The following WWP1 variants were observed in gnomAD, a reference collection of about 807,000 sequenced individuals.
The protein encoded by WWP1 is WW domain containing E3 ubiquitin protein ligase 1.
A neutral mutation model predicts 130.6 loss-of-function variants in WWP1; 49 were observed. The ratio of observed to expected loss-of-function variants is 0.38; its 90% CI spans 0.30 to 0.48. The LOEUF (loss-of-function observed/expected upper bound fraction) is 0.48. Among genes scored for constraint, WWP1 ranks in the 20% least tolerant of loss-of-function variants. WWP1 has a pLI of 0.99. For synonymous variants in WWP1, 332 were observed against 367.8 expected (o/e 0.90, Z 1.11); for missense variants, 809 against 1,100.6 (o/e 0.74, Z 3.75).
chr8:86,381,381 CAAAT>C (rs1824976524), intron 4 of WWP1, 120 bp from the exon 5 acceptor site: 1 of 1,209,610 alleles, frequency 8.3e-7, no homozygotes, highest in South Asian at 1.5e-5. Flanking sequence ...TATTTCTTCT[CAAAT>C]AAATGAAATT....
chr8:86,373,629 C>G (rs1824457950), intron 2 of WWP1, among the ~76,000 whole-genome samples: 2 of 152,120 alleles, frequency 1.3e-5, no homozygotes, highest in South Asian at 2.1e-4. Context: ...CTTGGTTGCT[C>G]TTCGTCTTAG....
chr8:86,450,659 A>G (rs1811126317), intron 20 of WWP1, among the ~76,000 whole-genome samples: 1 of 152,194 alleles, frequency 6.6e-6, no homozygotes, highest in South Asian at 2.1e-4. Context: ...TTTTTGGAGG[A>G]TTTTGTTTCA....
chr8:86,428,497 T>C (rs189090683), intron 11 of WWP1, among the ~76,000 whole-genome samples: 476 of 152,210 alleles, frequency 3.1e-3, no homozygotes, highest in Admixed American at 5.2e-3. Context: ...ACCTAAAATA[T>C]AGAAGCTAGC....
intron 18 of WWP1, among the ~76,000 whole-genome samples, chr8:86,443,143 G>A (rs981445929): frequency 6.6e-6 from 1 of 152,152 alleles, no homozygotes; most frequent in Non-Finnish European, 1.5e-5. Context: ...TGTGATCTCA[G>A]CTAACTGCAA....
chr8:86,360,241 G>A (rs1474151969), intron 1 of WWP1, among the ~76,000 whole-genome samples: 5 of 152,072 alleles, frequency 3.3e-5, no homozygotes, highest in African/African-American at 1.2e-4. Flanking sequence ...TAAGTTTCTG[G>A]TGGTTTTTTT....
chr8:86,415,923 C>T (rs544117505), intron 9 of WWP1, among the ~76,000 whole-genome samples: 5 of 152,304 alleles, frequency 3.3e-5, no homozygotes, highest in Non-Finnish European at 7.4e-5. Context: ...TACCGTATAG[C>T]AGGCACTCAA....
chr8:86,423,379 C>T (rs1442116823), intron 9 of WWP1, among the ~76,000 whole-genome samples: 1 of 152,090 alleles, frequency 6.6e-6, no homozygotes, highest in Non-Finnish European at 1.5e-5. Context: ...CGGCCTTCCA[C>T]AGTGTTTGTG....
intron 3 of WWP1, among the ~76,000 whole-genome samples, chr8:86,377,608 C>T (rs16912199): frequency 1.3e-5 from 2 of 151,782 alleles, no homozygotes; most frequent in South Asian, 2.1e-4. Flanking sequence ...TCATGGAACG[C>T]GGAAAAACTG....
chr8:86,347,411 A>G (rs998548971), intron 1 of WWP1, among the ~76,000 whole-genome samples: 1 of 152,296 alleles, frequency 6.6e-6, no homozygotes, highest in East Asian at 1.9e-4. Flanking sequence ...TTTTGTTCCT[A>G]TGTCAGTATT....
At chr8:86,421,102 C>T (rs1184571378) in intron 9 of WWP1, among the ~76,000 whole-genome samples, 3 of 152,168 alleles carry the variant, frequency 2.0e-5, no homozygotes, top group Non-Finnish European at 2.9e-5. Context: ...CCTTCTTTCC[C>T]GTGAGCTTTT....
intron 16 of WWP1, among the ~76,000 whole-genome samples, chr8:86,436,720 G>A (rs763930796): frequency 3.9e-5 from 6 of 152,130 alleles, no homozygotes; most frequent in Non-Finnish European, 7.4e-5. Context: ...TGTATTGTCA[G>A]TTTTTGCCCA....
At chr8:86,409,929 C>CTAGA (rs1808495715) in intron 8 of WWP1, among the ~76,000 whole-genome samples, 1 of 152,082 alleles carries the variant, frequency 6.6e-6, no homozygotes, top group African/African-American at 2.4e-5. Flanking sequence ...GATAGATAAT[C>CTAGA]TAGATTACTT....
chr8:86,372,707 C>T (rs1824395853), intron 2 of WWP1, among the ~76,000 whole-genome samples: 2 of 152,042 alleles, frequency 1.3e-5, no homozygotes, highest in Non-Finnish European at 2.9e-5. Flanking sequence ...ATTGCTACAT[C>T]TTTTATGTGG....
chr8:86,381,571 T>C lies in WWP1; in HGVS notation c.276T>C (p.Ala92=), dbSNP rs762441712. The C allele has an allele frequency of 2.5e-6, 4 of 1,610,754 alleles. No homozygotes were observed. The African/African-American group carries it at 5.3e-5, about 22-fold the overall frequency. Residue 92 remains alanine, a synonymous_variant, in exon 5 of 25, where the codon GCT becomes GCC. Transcript: ENST00000517970. ...VWSHRTLKAD[A]LLGKATIDLK... is the part of the protein sequence containing the mutation. ...GCCATCGCACTTTAAAAGCAGATGC[T>C]TTATTAGGAAAAGCAACGATAGATT... is the stretch of plus-strand genomic sequence containing the variant.
chr8:86,379,037 T>G (rs1824830124), intron 3 of WWP1, among the ~76,000 whole-genome samples: 1 of 152,238 alleles, frequency 6.6e-6, no homozygotes, highest in Non-Finnish European at 1.5e-5. Flanking sequence ...AACCCAGATA[T>G]GTCTATCCCT....
chr8:86,399,105 C>G (rs1040405674), intron 7 of WWP1, among the ~76,000 whole-genome samples: 4 of 152,126 alleles, frequency 2.6e-5, no homozygotes, highest in African/African-American at 9.7e-5. Context: ...TTTCAAGGTT[C>G]ATTTATGTTG....
chr8:86,393,016 TTTA>T (rs1323177570), intron 5 of WWP1, among the ~76,000 whole-genome samples: 3 of 152,326 alleles, frequency 2.0e-5, no homozygotes, highest in Admixed American at 1.3e-4. Context: ...AATGAGAAGT[TTTA>T]TTATCAAAGC....
rs373524632 is a variant in WWP1, at chr8:86,467,268, T to G, written c.*375T>G. The G allele has an allele frequency of 6.2e-6, 1 of 160,754 alleles. No homozygotes were observed. Among genetic ancestry groups the G allele is most frequent in the Non-Finnish European group, 1.4e-5 (1 of 74,002 alleles). 10.0% of individuals were successfully genotyped at this position (160,754 alleles called of 1,614,324 possible). The stretch of plus-strand genomic sequence containing the variant: ...GATTTGCTTTACCTTGTTAATATTA[T>G]CTAGGGGAAAAAGTGCAAATTGCTC... On this transcript the variant is annotated 3_prime_UTR_variant, in exon 25 of 25. Coordinates refer to ENST00000517970, the MANE Select transcript of WWP1 (RefSeq NM_007013.4).
chr8:86,438,047 G>A (rs991491635), intron 16 of WWP1, among the ~76,000 whole-genome samples: 1 of 152,154 alleles, frequency 6.6e-6, no homozygotes, highest in Non-Finnish European at 1.5e-5. Context: ...TGATCCACCT[G>A]CCTTGGCCTT....
Sources: allele counts gnomAD v4.1 joint callset (sites outside exome capture counted in the v4.1 genomes callset), GRCh38; gene constraint gnomAD v4.1.1; transcripts MANE v1.5; gene names NCBI Gene and HGNC (gene_info 2026-07-23, HGNC 2026-07-21).